Variants in NGLY1 observed in about 807,000 individuals in gnomAD.
NGLY1 encodes the protein peptide-N(4)-(N-acetyl-beta-glucosaminyl)asparagine amidase.
In NGLY1, 68 loss-of-function variants were observed where a neutral mutation model predicts 84.6. That is an observed-to-expected ratio of 0.80 (90% CI 0.66 to 0.98). The LOEUF (loss-of-function observed/expected upper bound fraction) is 0.98. Among genes scored for constraint, NGLY1 ranks in the 50% least tolerant of loss-of-function variants. The pLI, the probability that NGLY1 is intolerant of heterozygous loss-of-function variation, is 0.00. For missense variants in NGLY1, 779 were observed against 770.2 expected (o/e 1.01, Z -0.14); for synonymous variants, 280 against 275.2 (o/e 1.02, Z -0.17).
At chr3:25,783,722 G>A (rs918555793), upstream of NGLY1, among the ~76,000 whole-genome samples, 16 of 151,892 alleles carry the variant, frequency 1.1e-4, no homozygotes, top group Non-Finnish European at 2.9e-5. This position sits in a 1 kb window ranked among gnomAD's most constrained non-coding sequence, Gnocchi z 4.5. Flanking sequence ...GGGGGGCCTC[G>A]GCCGGCAGGG....
At chr3:25,774,806 T>C (rs1429910033) in intron 2 of NGLY1, among the ~76,000 whole-genome samples, 1 of 148,176 alleles carries the variant, frequency 6.7e-6, no homozygotes, top group African/African-American at 2.5e-5. Context: ...GCATTTCCCA[T>C]TTGCCACCTC....
chr3:25,754,666 A>G (rs1177540791), intron 3 of NGLY1, among the ~76,000 whole-genome samples: 3 of 26,528 alleles, frequency 1.1e-4, no homozygotes, highest in East Asian at 0.045. Context: ...ACTGTTAGGA[A>G]AAAAAAAAAA....
intron 2 of NGLY1, among the ~76,000 whole-genome samples, chr3:25,768,611 T>C (rs1423048112): frequency 6.9e-6 from 1 of 144,566 alleles, no homozygotes; most frequent in Non-Finnish European, 1.5e-5. Flanking sequence ...TCGCCGAGGC[T>C]GGAGCACAGT....
At chr3:25,721,928 G>T (rs1705015238) in intron 10 of NGLY1, among the ~76,000 whole-genome samples, 1 of 150,868 alleles carries the variant, frequency 6.6e-6, no homozygotes, top group South Asian at 2.1e-4. Context: ...ATTCATAAAA[G>T]CATTTAGTGC....
At chr3:25,772,714 G>GT (rs1707958443) in intron 2 of NGLY1, among the ~76,000 whole-genome samples, 1 of 151,812 alleles carries the variant, frequency 6.6e-6, no homozygotes, top group Non-Finnish European at 1.5e-5. Context: ...ATTATTTATT[G>GT]TTTTATAGGT....
Position 25,764,204 on chromosome 3 carries a change from C to G in NGLY1, c.354G>C (p.Lys118Asn), listed in dbSNP as rs752256415. Residue 118 changes from lysine to asparagine, a missense_variant, in exon 3 of 12, where the codon AAG becomes AAC. By Grantham distance (94) the Lys-to-Asn change is moderately conservative (BLOSUM62 0). Coordinates refer to ENST00000280700, the MANE Select transcript of NGLY1 (RefSeq NM_018297.4). ...GCTGAGATGACTTTACTTTGTGGCT[C>G]TTATTTGAGCCATCCAGTCTGCTAC... ...ERSSRLDGSN[K>N]SHKVKSSQQP... 1.2e-5 allele frequency: 20 copies of G among 1,613,952 alleles called. 1 individual carries two copies. In the Admixed American group the frequency reaches 2.8e-4, roughly 23 times the overall value.
intron 11 of NGLY1, 150 bp downstream of exon 11, chr3:25,719,864 T>A (rs1306800909): frequency 2.8e-6 from 2 of 705,570 alleles, no homozygotes; most frequent in Admixed American, 3.7e-5. Flanking sequence ...TACAATGGGA[T>A]CACACAGGGT....
chr3:25,720,931 G>A (rs779940845), intron 10 of NGLY1, among the ~76,000 whole-genome samples: 2 of 149,968 alleles, frequency 1.3e-5, no homozygotes, highest in Non-Finnish European at 3.0e-5. Flanking sequence ...CATCCCTTAC[G>A]TCTGAATTCC....
rs115286377 is a variant in NGLY1, at chr3:25,789,978, G to A, written c.-113C>T. The A allele has an allele frequency of 4.8e-3, 6,457 of 1,333,940 alleles. 102 individuals are homozygous for A. The highest frequency in any genetic ancestry group is 0.032 in the African/African-American group (2,224 of 68,726). The allele number at this position is 1,333,940 out of a possible 1,614,324, so 82.6% of individuals were successfully genotyped here. ...CTCCCACGGTCTGACCTCAGCCAAG[G>A]TGACGCGGCTTAAAGTCAACCGGCG... On this transcript the variant is annotated 5_prime_UTR_variant, in exon 1 of 12. Transcript: ENST00000417874.
chr3:25,767,319 A>T (rs142005525), intron 2 of NGLY1, among the ~76,000 whole-genome samples: 28 of 152,180 alleles, frequency 1.8e-4, no homozygotes, highest in Admixed American at 5.9e-4. Context: ...AATCAAAAAG[A>T]ATTCTAGTAT....
At chr3:25,773,085 A>G (rs891492267) in intron 2 of NGLY1, among the ~76,000 whole-genome samples, 4 of 152,180 alleles carry the variant, frequency 2.6e-5, no homozygotes, top group African/African-American at 9.7e-5. Context: ...TTGACTTTAG[A>G]TAACCTGAGG....
intron 3 of NGLY1, among the ~76,000 whole-genome samples, chr3:25,763,101 G>A (rs1420616109): frequency 6.6e-6 from 1 of 152,050 alleles, no homozygotes; most frequent in Non-Finnish European, 1.5e-5. Context: ...CTACAGCCTG[G>A]ACAGAATGAG....
chr3:25,755,628 A>G, intron 3 of NGLY1: 1 of 1,492,636 alleles, frequency 6.7e-7, no homozygotes, highest in Non-Finnish European at 9.3e-7. Flanking sequence ...CAATGAAGCA[A>G]ACCCACTGAA....
At chr3:25,760,318 C>T (rs1707246396) in intron 3 of NGLY1, among the ~76,000 whole-genome samples, 1 of 151,940 alleles carries the variant, frequency 6.6e-6, no homozygotes, top group South Asian at 2.1e-4. Context: ...CAAAATATTA[C>T]ACATATACAG....
chr3:25,740,491 C>T (rs1465332570), intron 4 of NGLY1, among the ~76,000 whole-genome samples: 2 of 152,082 alleles, frequency 1.3e-5, no homozygotes, highest in African/African-American at 4.8e-5. Flanking sequence ...ATCTTAAAAA[C>T]ATATATAGGG....
intron 4 of NGLY1, among the ~76,000 whole-genome samples, chr3:25,742,126 A>T (rs1411223970): frequency 1.2e-4 from 18 of 152,226 alleles, no homozygotes; most frequent in Admixed American, 1.2e-3. Context: ...GGAAACAAAT[A>T]TTCTTAGACA....
intron 1 of NGLY1, among the ~76,000 whole-genome samples, chr3:25,780,734 C>T (rs537827941): frequency 6.6e-6 from 1 of 152,102 alleles, no homozygotes; most frequent in South Asian, 2.1e-4. Context: ...CAATCCTCTG[C>T]CTCAGCCTCT....
At chr3:25,777,125 G>A (rs1322027874) in intron 2 of NGLY1, among the ~76,000 whole-genome samples, 1 of 152,202 alleles carries the variant, frequency 6.6e-6, no homozygotes, top group Non-Finnish European at 1.5e-5. Flanking sequence ...GCTGGGCACG[G>A]CGGCTCACGC....
chr3:25,732,378 C>G lies in NGLY1; in HGVS notation c.1366G>C (p.Gly456Arg), dbSNP rs746748010. ...SPKTPKPGEL[G>R]GRISGSVAWR... Reference sequence around the variant, plus strand: ...GCCACTGACCCAGATATTCTTCCCCCAAGTTCTCCAGGTTTAGGGGTTTTG... The same window carrying G: ...GCCACTGACCCAGATATTCTTCCCCGAAGTTCTCCAGGTTTAGGGGTTTTG... The change falls in exon 9 of 12, where the codon GGG (glycine) becomes CGG (arginine). Residue 456 changes from glycine (G) to arginine (R), a missense_variant. Physicochemically the swap from Gly to Arg is moderately radical, Grantham distance 125. Coordinates refer to ENST00000280700, the MANE Select transcript of NGLY1 (RefSeq NM_018297.4). 73 of 1,613,702 alleles carry G rather than the reference C, an allele frequency of 4.5e-5. No individual in the cohort carries two copies. The highest frequency in any genetic ancestry group is 5.8e-5 in the Non-Finnish European group (69 of 1,179,790).
Sources: gnomAD v4.1 joint callset for allele counts (sites outside exome capture counted in the v4.1 genomes callset) on GRCh38, gnomAD v4.1.1 for gene constraint, Gnocchi (gnomAD v3.1) non-coding constraint, MANE v1.5 for transcripts, NCBI Gene and HGNC (gene_info 2026-07-23, HGNC 2026-07-21) for gene names.